ARHGEF10L: variants seen among roughly 807,000 people sequenced by gnomAD.
ARHGEF10L encodes the protein rho guanine nucleotide exchange factor 10-like protein.
Under a neutral mutation model 141.2 loss-of-function variants are expected in ARHGEF10L, and 69 were observed. The ratio of observed to expected loss-of-function variants is 0.49; its 90% CI spans 0.40 to 0.60. The LOEUF (loss-of-function observed/expected upper bound fraction) is 0.60. Among genes scored for constraint, ARHGEF10L ranks in the 20% least tolerant of loss-of-function variants. The pLI, the probability that ARHGEF10L is intolerant of heterozygous loss-of-function variation, is 0.00. For synonymous variants in ARHGEF10L, 711 were observed against 718.5 expected, an observed-to-expected ratio of 0.99 and a Z score of 0.17; for missense variants, 1,482 against 1,734.3, an observed-to-expected ratio of 0.85 and a Z score of 2.58.
intron 26 of ARHGEF10L, among the ~76,000 whole-genome samples, chr1:17,677,142 G>GGAAATCCCTTTACGTCAGGTGAGGAGCC (rs1451545895): frequency 2.0e-5 from 3 of 152,182 alleles, no homozygotes; most frequent in African/African-American, 7.2e-5. Context: ...GCAGGGCATA[G>GGAAATCCCTTTACGTCAGGTGAGGAGCC]GAAATCCCTT....
Position 17,555,298 on chromosome 1 carries a change from C to T in ARHGEF10L, c.-44+15348C>T, listed in dbSNP as rs150011481. 3.3e-3 allele frequency among the ~76,000 whole-genome samples: 499 copies of T among 151,920 alleles called. 1 individual carries two copies. Among genetic ancestry groups the T allele is most frequent in the African/African-American group, 0.012 (480 of 41,436 alleles). ...GAGCACCTATTGACATATTTCAGGG[C>T]ACAGATGTTTCCCCAAATATACAGA... On this transcript the variant is annotated intron_variant, in intron 1 of 28. Coordinates refer to ENST00000361221, the MANE Select transcript of ARHGEF10L (RefSeq NM_018125.4).
Position 17,687,514 on chromosome 1 carries a change from G to A in ARHGEF10L, c.3010-59G>A, listed in dbSNP as rs559693432. 8.8e-6 allele frequency: 14 copies of A among 1,592,934 alleles called. No homozygotes were observed. The East Asian group carries it at 2.0e-4, about 23-fold the overall frequency. ...ATGGCTGGCCCAGGGGTGGGGGCTT[G>A]TAGGGAGGCTCAGCTGGCAGGCCCA... On this transcript the variant is annotated intron_variant, in intron 26 of 28. Transcript: ENST00000361221.
At chr1:17,571,617 T>C (rs1361397207) in intron 1 of ARHGEF10L, among the ~76,000 whole-genome samples, 3 of 152,148 alleles carry the variant, frequency 2.0e-5, no homozygotes, top group Admixed American at 1.3e-4. Flanking sequence ...CACTGCAACC[T>C]CTGCCTCCTG....
At chr1:17,519,304 A>AC in the ARHGEF10L span, among the ~76,000 whole-genome samples, 1 of 150,838 alleles carries the variant, frequency 6.6e-6, no homozygotes, top group Non-Finnish European at 1.5e-5. Flanking sequence ...TATTATAATC[A>AC]CCCCAGGTTA....
upstream of ARHGEF10L, among the ~76,000 whole-genome samples, chr1:17,535,218 A>G (rs1006898811): frequency 1.3e-5 from 2 of 152,156 alleles, no homozygotes; most frequent in African/African-American, 4.8e-5. Flanking sequence ...TAGATCCCTC[A>G]CATGCACAGT....
intron 23 of ARHGEF10L, 67 bp from the exon 24 acceptor site, chr1:17,655,812 G>C (rs181782997): frequency 2.8e-6 from 4 of 1,420,876 alleles, no homozygotes; most frequent in East Asian, 2.5e-5. Flanking sequence ...GAAAGCAGGG[G>C]CTGAGGTCCT....
chr1:17,637,762 C>T (rs577301478), intron 18 of ARHGEF10L, 126 bp from the exon 19 acceptor site: 1 of 770,240 alleles, frequency 1.3e-6, no homozygotes, highest in African/African-American at 1.8e-5. Context: ...CCTCGGCCTC[C>T]CAAAGTGCTG....
At position 17,593,383 on chromosome 1, in the gene ARHGEF10L, G is replaced by A. The variant is rs770070076; in HGVS notation, c.257+4904G>A. Among the ~76,000 whole-genome samples the A allele has an allele frequency of 4.6e-5, 7 of 152,156 alleles. No individual in the cohort carries two copies. The South Asian group carries it at 6.2e-4, about 14-fold the overall frequency. On this transcript the variant is annotated intron_variant, in intron 4 of 28. Transcript: ENST00000361221. ...TCCCCAGCACCTGTGAATCTGTGACGCTGCGTGGCAAAGGGACTTGGCAGA... is the reference window on the plus strand; with the variant it reads ...TCCCCAGCACCTGTGAATCTGTGACACTGCGTGGCAAAGGGACTTGGCAGA...
chr1:17,526,352 T>A, the ARHGEF10L span, among the ~76,000 whole-genome samples: 1 of 152,188 alleles, frequency 6.6e-6, no homozygotes, highest in East Asian at 1.9e-4. Context: ...TGCCAACGTT[T>A]GTGGGAGAAG....
intron 16 of ARHGEF10L, chr1:17,634,281 G>A (rs2060867993): frequency 5.0e-6 from 3 of 600,092 alleles, no homozygotes; most frequent in Admixed American, 3.2e-5. Context: ...GGTGATTTGG[G>A]CTGAGTCACT....
At chr1:17,662,693 G>A (rs1402825325) in intron 25 of ARHGEF10L, among the ~76,000 whole-genome samples, 2 of 152,052 alleles carry the variant, frequency 1.3e-5, no homozygotes, top group Non-Finnish European at 2.9e-5. Flanking sequence ...GGGTATGGTA[G>A]GGAAGGATGG....
intron 1 of ARHGEF10L, among the ~76,000 whole-genome samples, chr1:17,559,903 A>T (rs1570465799): frequency 1.3e-5 from 2 of 151,596 alleles, no homozygotes; most frequent in East Asian, 3.9e-4. Flanking sequence ...TGGGTTCAGC[A>T]CTCCTGTCCC....
intron 7 of ARHGEF10L, among the ~76,000 whole-genome samples, chr1:17,611,582 A>C (rs1466466096): frequency 1.3e-5 from 2 of 151,474 alleles, no homozygotes; most frequent in Non-Finnish European, 2.9e-5. Context: ...CCATCCACTC[A>C]TCCATTCACC....
chr1:17,598,928 G>A (rs1224177804), intron 4 of ARHGEF10L, among the ~76,000 whole-genome samples: 3 of 152,160 alleles, frequency 2.0e-5, no homozygotes, highest in East Asian at 3.9e-4. Context: ...TAGACGTAGT[G>A]TAAGATCCCA....
At chr1:17,604,822 C>T (rs887433779) in intron 6 of ARHGEF10L, 10 of 152,210 alleles carry the variant, frequency 6.6e-5, no homozygotes, top group African/African-American at 2.2e-4. Flanking sequence ...GGCTGAGGGG[C>T]CTCAGTTGTT....
the ARHGEF10L span, among the ~76,000 whole-genome samples, chr1:17,534,631 C>G: frequency 5.3e-5 from 8 of 150,316 alleles, no homozygotes; most frequent in Middle Eastern, 3.4e-3. Context: ...GCTCTGTTGC[C>G]CAGGCTGGAG....
chr1:17,575,993 G>T (rs1028766385), intron 1 of ARHGEF10L, among the ~76,000 whole-genome samples: 1 of 152,066 alleles, frequency 6.6e-6, no homozygotes, highest in East Asian at 1.9e-4. Context: ...GCTCATCCCA[G>T]CAGTCCAGCT....
intron 1 of ARHGEF10L, among the ~76,000 whole-genome samples, chr1:17,555,985 T>C (rs1475059662): frequency 6.6e-6 from 1 of 151,030 alleles, no homozygotes; most frequent in Non-Finnish European, 1.5e-5. Flanking sequence ...GGGAGCATAT[T>C]TGGAGGCAAA....
In ARHGEF10L at chr1:17,627,568, C is replaced by T. The variant is rs1283278097; in HGVS notation, c.1584+65C>T. The T allele has an allele frequency of 2.6e-6, 4 of 1,550,772 alleles. No individual in the cohort carries two copies. The highest frequency in any genetic ancestry group is 1.2e-5 in the South Asian group (1 of 83,714). On this transcript the variant is annotated intron_variant, in intron 15 of 28. Coordinates refer to ENST00000361221, the MANE Select transcript of ARHGEF10L (RefSeq NM_018125.4). This position sits in a 1 kb window ranked among gnomAD's most constrained non-coding sequence, Gnocchi z 4.0. Reference sequence around the variant, plus strand: ...CCCTCACCTGTGCTCCTGCCCGTGCCCCTGCCCCACGCCACCCACACTAGG... The same window carrying T: ...CCCTCACCTGTGCTCCTGCCCGTGCTCCTGCCCCACGCCACCCACACTAGG...
Sources: gnomAD v4.1 joint callset for allele counts (sites outside exome capture counted in the v4.1 genomes callset) on GRCh38, gnomAD v4.1.1 for gene constraint, Gnocchi (gnomAD v3.1) non-coding constraint, MANE v1.5 for transcripts, NCBI Gene and HGNC (gene_info 2026-07-23, HGNC 2026-07-21) for gene names.